ATP5F1C: variants seen among roughly 807,000 people sequenced by gnomAD.
The protein encoded by ATP5F1C is ATP synthase F(1) complex subunit gamma, mitochondrial.
Under a neutral mutation model 37.4 loss-of-function variants are expected in ATP5F1C, and 22 were observed. That is an observed-to-expected ratio of 0.59 (90% CI 0.42 to 0.84). ATP5F1C has a LOEUF of 0.84. Ranked by LOEUF, ATP5F1C falls within the 40% of genes least tolerant of loss-of-function variation. ATP5F1C has a pLI of 0.00. For missense variants in ATP5F1C, 286 were observed against 362.4 expected (o/e 0.79, Z 1.71); for synonymous variants, 121 against 128.0 (o/e 0.95, Z 0.37).
At chr10:7,797,510 G>A (rs1264277387) in intron 3 of ATP5F1C, among the ~76,000 whole-genome samples, 5 of 152,178 alleles carry the variant, frequency 3.3e-5, no homozygotes, top group East Asian at 3.8e-4. Context: ...GCCATTATAC[G>A]TGACCATGTT....
intron 1 of ATP5F1C, among the ~76,000 whole-genome samples, chr10:7,795,811 G>T (rs1187733219): frequency 6.6e-6 from 1 of 152,200 alleles, no homozygotes; most frequent in Non-Finnish European, 1.5e-5. Flanking sequence ...GGGCTTTTCT[G>T]TCATGGAAAC....
chr10:7,802,737 G>C, intron 7 of ATP5F1C, 21 bp from the exon 8 acceptor site: 1 of 1,601,906 alleles, frequency 6.2e-7, no homozygotes, highest in Non-Finnish European at 8.5e-7. Context: ...TTTTTATGTA[G>C]TGTTTTTGTT....
At chr10:7,798,149 C>G (rs1836276864) in intron 3 of ATP5F1C, among the ~76,000 whole-genome samples, 1 of 152,116 alleles carries the variant, frequency 6.6e-6, no homozygotes, top group Non-Finnish European at 1.5e-5. Flanking sequence ...CCCTATTTAT[C>G]TACCAAATCC....
chr10:7,805,858 G>A (rs777619964), intron 8 of ATP5F1C, among the ~76,000 whole-genome samples: 3 of 151,990 alleles, frequency 2.0e-5, no homozygotes, highest in Non-Finnish European at 4.4e-5. Context: ...AGACCGAAGC[G>A]AGTGGATTGC....
Position 7,802,753 on chromosome 10 carries a change from T to A in ATP5F1C, c.794-5T>A. 6.2e-7 allele frequency: 1 copy of A among 1,612,046 alleles called. No individual in the cohort carries two copies. The highest frequency in any genetic ancestry group is 8.5e-7 in the Non-Finnish European group (1 of 1,179,312). The stretch of plus-strand genomic sequence containing the variant: ...TTTTATGTAGTGTTTTTGTTTTGTT[T>A]GTAGCTGAGATGATTGACAAATTGA... On this transcript the variant is annotated splice_region_variant and splice_polypyrimidine_tract_variant and intron_variant, in intron 7 of 9. Transcript: ENST00000356708.
chr10:7,802,508 A>C (rs1398074874), intron 7 of ATP5F1C, 83 bp downstream of exon 7: 2 of 1,474,780 alleles, frequency 1.4e-6, no homozygotes, highest in Admixed American at 2.2e-5. Context: ...CGTGGCCGAG[A>C]GTAGCATCAA....
chr10:7,798,973 TTTTG>T lies in ATP5F1C; in HGVS notation c.224-9_224-6del, dbSNP rs1186426423. 8 of 1,607,946 alleles carry T rather than the reference TTTTG, an allele frequency of 5.0e-6. No homozygotes were observed. Among genetic ancestry groups the T allele is most frequent in the East Asian group, 2.2e-5 (1 of 44,848 alleles). On this transcript the variant is annotated splice_polypyrimidine_tract_variant and intron_variant, in intron 3 of 9. Transcript: ENST00000356708. The stretch of plus-strand genomic sequence containing the variant: ...GTATTGCATATAAAAAAATTACTGC[TTTTG>T]TTTGTTTTTAAGCTCTGTATGAAAA...
chr10:7,799,942 T>C, intron 5 of ATP5F1C, 27 bp downstream of exon 5: 1 of 1,606,214 alleles, frequency 6.2e-7, no homozygotes, highest in Non-Finnish European at 8.5e-7. Flanking sequence ...AATCAAAGCT[T>C]TTTTATGTTC....
Position 7,802,784 on chromosome 10 carries a change from A to G in ATP5F1C, c.820A>G (p.Thr274Ala). The G allele has an allele frequency of 6.2e-7, 1 of 1,613,828 alleles. No individual in the cohort carries two copies. The highest frequency in any genetic ancestry group is 1.1e-5 in the South Asian group (1 of 90,982). Residue 274 changes from threonine to alanine, a missense_variant, in exon 8 of 10, where the codon ACA (threonine) becomes GCA (alanine). Transcript: ENST00000356708. ...ASEMIDKLTLTFNRTRQAVIT... is the reference protein window; with the variant it reads ...ASEMIDKLTLAFNRTRQAVIT... ...TGAGATGATTGACAAATTGACATTGACATTCAACCGTACCCGCCAAGCTGT... is the reference window on the plus strand; with the variant it reads ...TGAGATGATTGACAAATTGACATTGGCATTCAACCGTACCCGCCAAGCTGT...
intron 4 of ATP5F1C, 118 bp downstream of exon 4, chr10:7,799,312 C>CT (rs2131067720): frequency 4.4e-6 from 4 of 917,426 alleles, no homozygotes; most frequent in African/African-American, 3.3e-5. Flanking sequence ...TCTTCAGGGC[C>CT]TTTTTTGGTA....
At chr10:7,807,456 A>T (rs932714960) in intron 9 of ATP5F1C, among the ~76,000 whole-genome samples, 1 of 152,208 alleles carries the variant, frequency 6.6e-6, no homozygotes, top group Non-Finnish European at 1.5e-5. Flanking sequence ...GCAAAATAAC[A>T]TTATCATGAA....
intron 1 of ATP5F1C, among the ~76,000 whole-genome samples, chr10:7,794,874 C>T (rs1054130205): frequency 2.6e-5 from 4 of 152,136 alleles, no homozygotes; most frequent in South Asian, 2.1e-4. Flanking sequence ...CTTTCTACTA[C>T]GAATGTACAT....
chr10:7,803,934 T>G (rs551227404), intron 8 of ATP5F1C, among the ~76,000 whole-genome samples: 88 of 152,330 alleles, frequency 5.8e-4, no homozygotes, highest in African/African-American at 2.0e-3. Context: ...TGCAGATCCT[T>G]GTCATTTCTC....
At chr10:7,805,606 G>A (rs981517138) in intron 8 of ATP5F1C, among the ~76,000 whole-genome samples, 14 of 152,052 alleles carry the variant, frequency 9.2e-5, no homozygotes, top group Non-Finnish European at 1.2e-4. Flanking sequence ...AATTAGCTGG[G>A]CGTGGTGGTG....
intron 9 of ATP5F1C, among the ~76,000 whole-genome samples, chr10:7,807,303 TG>T (rs1281042506): frequency 9.2e-5 from 14 of 152,230 alleles, no homozygotes; most frequent in African/African-American, 3.4e-4. Flanking sequence ...TCACACTTTA[TG>T]GTCTCTGGAC....
intron 7 of ATP5F1C, 68 bp downstream of exon 7, chr10:7,802,493 G>A (rs111944898): frequency 1.3e-6 from 2 of 1,540,250 alleles, no homozygotes; most frequent in African/African-American, 1.4e-5. Context: ...CAGCTGAGAG[G>A]AGTCCGTGGC....
At chr10:7,796,740 A>G (rs889134156) in intron 2 of ATP5F1C, 1 of 175,894 alleles carries the variant, frequency 5.7e-6, no homozygotes, top group Admixed American at 6.1e-5. Context: ...GCCCGCCACC[A>G]CGCTCGGCTA....
chr10:7,800,219 A>C, intron 6 of ATP5F1C, 128 bp downstream of exon 6: 2 of 1,001,378 alleles, frequency 2.0e-6, no homozygotes, highest in South Asian at 2.9e-5. Context: ...TCTTTTTTAG[A>C]TGGAATCTTG....
chr10:7,797,166 T>C lies in ATP5F1C; in HGVS notation c.211T>C (p.Leu71=), dbSNP rs1188993179. The C allele has an allele frequency of 6.2e-7, 1 of 1,613,752 alleles. No homozygotes were observed. The highest frequency in any genetic ancestry group is 1.3e-5 in the African/African-American group (1 of 74,896). Residue 71 remains leucine (L), a synonymous_variant, in exon 3 of 10, where the codon TTG becomes CTG. Coordinates refer to ENST00000356708, the MANE Select transcript of ATP5F1C (RefSeq NM_001001973.3). ...GCTGAAACCAGCTCGAATATATGGA[T>C]TGGGATCTTTAGGTAAGGGAAGAGT... ...RELKPARIYG[L]GSLALYEKAD... is the part of the protein sequence containing the mutation.
Sources: gnomAD v4.1 joint callset for allele counts (sites outside exome capture counted in the v4.1 genomes callset) on GRCh38, gnomAD v4.1.1 for gene constraint, MANE v1.5 for transcripts, NCBI Gene and HGNC (gene_info 2026-07-23, HGNC 2026-07-21) for gene names.